The following ATP2B4 variants were observed in gnomAD, a reference collection of about 807,000 sequenced individuals.
ATP2B4 encodes ATPase plasma membrane Ca2+ transporting 4, also known as plasma membrane calcium-transporting ATPase 4.
In ATP2B4, 39 loss-of-function variants were observed where a neutral mutation model predicts 110.3. The observed-to-expected ratio is 0.35, with a 90% confidence interval of 0.27 to 0.46. The LOEUF is 0.46. Ranked by LOEUF, ATP2B4 falls within the 20% of genes least tolerant of loss-of-function variation. ATP2B4 has a pLI of 1.00. For missense variants in ATP2B4, 1,135 were observed against 1,530.9 expected (o/e 0.74, Z 4.32); for synonymous variants, 538 against 571.7 (o/e 0.94, Z 0.84).
At chr1:203,686,939 T>C (rs6696548) in intron 2 of ATP2B4, among the ~76,000 whole-genome samples, 121,775 of 146,476 alleles carry the variant, frequency 0.83, 51,474 homozygotes, top group East Asian at 1. Flanking sequence ...AGGTGATCCA[T>C]CCACCTCGGC....
At position 203,721,180 on chromosome 1, in the gene ATP2B4, G is replaced by T; in HGVS notation, c.2599-17G>T. 2 of 1,613,388 alleles carry T rather than the reference G, an allele frequency of 1.2e-6. No homozygotes were observed. Among genetic ancestry groups the T allele is most frequent in the Non-Finnish European group, 1.7e-6 (2 of 1,179,424 alleles). ...TTTCAGAGAAAAGCTAAAAGGACTG[G>T]TTCTTCTCCCCGCCAGGATTCCCCA... is the stretch of plus-strand genomic sequence containing the variant. On this transcript the variant is annotated splice_polypyrimidine_tract_variant and intron_variant, in intron 16 of 20. Coordinates refer to ENST00000357681, the MANE Select transcript of ATP2B4 (RefSeq NM_001684.5).
At chr1:203,738,522 G>A (rs188271938) in intron 20 of ATP2B4, among the ~76,000 whole-genome samples, 15 of 152,222 alleles carry the variant, frequency 9.9e-5, no homozygotes, top group Non-Finnish European at 1.9e-4. Flanking sequence ...CAGTAAAACC[G>A]CACGTGGTTT....
intron 2 of ATP2B4, among the ~76,000 whole-genome samples, chr1:203,691,123 G>A (rs1288941109): frequency 6.6e-6 from 1 of 152,170 alleles, no homozygotes; most frequent in Non-Finnish European, 1.5e-5. Context: ...CACGAGGAGA[G>A]TAGCTAAGGC....
chr1:203,661,499 C>T (rs973888505), intron 1 of ATP2B4, among the ~76,000 whole-genome samples: 5 of 152,180 alleles, frequency 3.3e-5, no homozygotes, highest in African/African-American at 1.2e-4. Context: ...TTAGCTGTAC[C>T]TGCTGTAACC....
At chr1:203,710,807 C>T in intron 11 of ATP2B4, 70 bp from the exon 12 acceptor site, 1 of 1,254,284 alleles carries the variant, frequency 8.0e-7, no homozygotes, top group Non-Finnish European at 1.1e-6. Flanking sequence ...TGCCAAAATA[C>T]CTGTCAATGA....
intron 20 of ATP2B4, among the ~76,000 whole-genome samples, chr1:203,732,792 G>A (rs1666767948): frequency 6.6e-6 from 1 of 150,982 alleles, no homozygotes; most frequent in African/African-American, 2.4e-5. Context: ...TCCAGCCTGG[G>A]CGACAGATTG....
chr1:203,717,063 T>C (rs1666176343), intron 15 of ATP2B4, among the ~76,000 whole-genome samples: 1 of 146,078 alleles, frequency 6.8e-6, no homozygotes, highest in Non-Finnish European at 1.5e-5. Context: ...CTGGGCATGA[T>C]GGCGGGCGCC....
intron 1 of ATP2B4, among the ~76,000 whole-genome samples, chr1:203,679,811 G>A (rs1450643204): frequency 1.3e-5 from 2 of 152,130 alleles, no homozygotes; most frequent in Non-Finnish European, 2.9e-5. Context: ...GAACCCAGGA[G>A]GCAGAGGTTG....
intron 1 of ATP2B4, among the ~76,000 whole-genome samples, chr1:203,634,016 C>G (rs1663360113): frequency 6.6e-6 from 1 of 152,088 alleles, no homozygotes; most frequent in Non-Finnish European, 1.5e-5. Context: ...CACTATTGCA[C>G]TCCAGCCTGG....
chr1:203,678,885 C>T lies in ATP2B4; in HGVS notation c.-464-3857C>T, dbSNP rs146572180. The stretch of plus-strand genomic sequence containing the variant: ...ATCTTCATCTGTAAGGTGGGGGTCA[C>T]AGCTGTCCTAACTAGAATTGATATG... On this transcript the variant is annotated intron_variant, in intron 1 of 20. Coordinates refer to ENST00000357681, the MANE Select transcript of ATP2B4 (RefSeq NM_001684.5). Among the ~76,000 whole-genome samples, 38 of 152,314 alleles carry T rather than the reference C, an allele frequency of 2.5e-4. No individual in the cohort carries two copies. The East Asian group carries it at 6.4e-3, about 26-fold the overall frequency.
intron 2 of ATP2B4, among the ~76,000 whole-genome samples, chr1:203,691,677 A>G (rs1263303628): frequency 6.6e-6 from 1 of 152,178 alleles, no homozygotes. Flanking sequence ...TAGGAGCTGG[A>G]AGTCTAGCAG....
rs779264292 is a variant in ATP2B4 at position 203,714,201 on chromosome 1, G to A, written c.2330G>A (p.Arg777Gln). ...GIIDSTVGEH[R>Q]QVVAVTGDGT... ...ATTGACAGCACTGTTGGGGAACACC[G>A]GCAGGTCGTGGCTGTCACTGGTGAT... Residue 777 changes from arginine (R) to glutamine (Q), a missense_variant, in exon 15 of 21, where the codon CGG becomes CAG. Arg to Gln is a conservative substitution (Grantham distance 43, BLOSUM62 1). This residue lies in a region of ATP2B4 where 368 missense variants were observed against 455.9 expected (regional missense o/e 0.81). Coordinates refer to ENST00000357681, the MANE Select transcript of ATP2B4 (RefSeq NM_001684.5). 1.1e-5 allele frequency: 17 copies of A among 1,614,022 alleles called. No homozygotes were observed. Among genetic ancestry groups the A allele is most frequent in the East Asian group, 8.9e-5 (4 of 44,892 alleles).
At position 203,683,055 on chromosome 1, in the gene ATP2B4, T is replaced by C. The variant is rs138665015; in HGVS notation, c.-151T>C. 2.2e-3 allele frequency: 1,717 copies of C among 797,326 alleles called. 17 individuals carry two copies. In the East Asian group the frequency reaches 0.025, roughly 11 times the overall value. The allele number at this position is 797,326 out of a possible 1,614,324, so 49.4% of individuals were successfully genotyped here. A position where few individuals can be genotyped will look rare whatever the true frequency, so the allele number is the denominator to read the frequency against. On this transcript the variant is annotated 5_prime_UTR_variant, in exon 2 of 21. Transcript: ENST00000357681. ...CTTCGGACGGCTACTCGGGAGCTTA[T>C]TGCACAAGATATATTCAATCTATTC... is the stretch of plus-strand genomic sequence containing the variant.
intron 3 of ATP2B4, 63 bp downstream of exon 3, chr1:203,698,417 C>A: frequency 6.6e-7 from 1 of 1,525,416 alleles, no homozygotes; most frequent in Non-Finnish European, 9.1e-7. Context: ...CACCACCAAG[C>A]GCTTAGTATT....
chr1:203,676,545 G>A (rs1664833562), intron 1 of ATP2B4, among the ~76,000 whole-genome samples: 1 of 152,174 alleles, frequency 6.6e-6, no homozygotes, highest in Non-Finnish European at 1.5e-5. Flanking sequence ...ACTGTCCTTT[G>A]GAAGCGTAAG....
chr1:203,637,263 C>G (rs543541313), intron 1 of ATP2B4, among the ~76,000 whole-genome samples: 1 of 152,192 alleles, frequency 6.6e-6, no homozygotes, highest in South Asian at 2.1e-4. Flanking sequence ...AGCCCCGTCT[C>G]TACTAAAAAT....
intron 1 of ATP2B4, among the ~76,000 whole-genome samples, chr1:203,652,825 T>C (rs949714240): frequency 6.6e-6 from 1 of 152,236 alleles, no homozygotes; most frequent in African/African-American, 2.4e-5. Context: ...CGAGCTGTTC[T>C]TCATCTCTCT....
At chr1:203,729,079 T>C (rs1006870303) in intron 20 of ATP2B4, among the ~76,000 whole-genome samples, 14 of 151,488 alleles carry the variant, frequency 9.2e-5, no homozygotes, top group African/African-American at 3.2e-4. Context: ...GACCACACCA[T>C]TGCACTCCAG....
At chr1:203,723,426 C>CTCTCTCTCAA in intron 18 of ATP2B4, among the ~76,000 whole-genome samples, 1 of 114,054 alleles carries the variant, frequency 8.8e-6, no homozygotes, top group Non-Finnish European at 1.8e-5. Flanking sequence ...AGATATCTCT[C>CTCTCTCTCAA]TCTCTCTCTC....
Sources: gnomAD v4.1 joint callset for allele counts (sites outside exome capture counted in the v4.1 genomes callset) on GRCh38, gnomAD v4.1.1 for gene constraint, gnomAD v4.1.1 regional missense constraint, MANE v1.5 for transcripts, NCBI Gene and HGNC (gene_info 2026-07-23, HGNC 2026-07-21) for gene names.